ANKFY1: variants seen among roughly 807,000 people sequenced by gnomAD.
The protein encoded by ANKFY1 is ankyrin repeat and FYVE domain-containing protein 1.
ANKFY1 carries 47 observed loss-of-function variants against 128.3 expected under a neutral mutation model. The ratio of observed to expected loss-of-function variants is 0.37; its 90% CI spans 0.29 to 0.47. The LOEUF (loss-of-function observed/expected upper bound fraction) is 0.47. ANKFY1 is among the 20% of genes least tolerant of loss of function. The probability of loss-of-function intolerance (pLI) is 1.00; values close to 1 mark genes in which losing one functional copy is unlikely to be tolerated. For missense variants in ANKFY1, 1,222 were observed against 1,510.6 expected, an observed-to-expected ratio of 0.81 and a Z score of 3.17; for synonymous variants, 553 against 601.6, an observed-to-expected ratio of 0.92 and a Z score of 1.18.
At chr17:4,222,094 G>A (rs1311224582) in intron 3 of ANKFY1, 1 of 151,282 alleles carries the variant, frequency 6.6e-6, no homozygotes, top group Non-Finnish European at 1.5e-5. Context: ...GCTGGGGCCA[G>A]GGGTAGGCGG....
chr17:4,233,061 T>C (rs1189081261), intron 3 of ANKFY1, among the ~76,000 whole-genome samples: 2 of 151,800 alleles, frequency 1.3e-5, no homozygotes, highest in Admixed American at 1.3e-4. Flanking sequence ...TTTCTAGAAC[T>C]GTCATACCTA....
chr17:4,223,671 T>G (rs1229090970), intron 3 of ANKFY1: 22 of 1,601,100 alleles, frequency 1.4e-5, no homozygotes, highest in Admixed American at 1.0e-4. Flanking sequence ...GCCGCATACC[T>G]GAAAGATGGT....
At chr17:4,262,126 A>G (rs1013145792) in intron 1 of ANKFY1, among the ~76,000 whole-genome samples, 1 of 152,172 alleles carries the variant, frequency 6.6e-6, no homozygotes, top group Admixed American at 6.5e-5. Flanking sequence ...AAGAGTTGGG[A>G]GACCAGCCTG....
chr17:4,233,134 T>C (rs1469936975), intron 3 of ANKFY1, among the ~76,000 whole-genome samples: 1 of 152,194 alleles, frequency 6.6e-6, no homozygotes, highest in African/African-American at 2.4e-5. Flanking sequence ...GCTACTAGGA[T>C]CACCAATGTT....
intron 1 of ANKFY1, among the ~76,000 whole-genome samples, chr17:4,261,842 C>T (rs1055840017): frequency 1.8e-4 from 27 of 152,348 alleles, no homozygotes; most frequent in African/African-American, 6.0e-4. Flanking sequence ...AGAAGACCTT[C>T]CTGAACCTTT....
intron 1 of ANKFY1, among the ~76,000 whole-genome samples, chr17:4,250,012 C>T (rs2143476450): frequency 6.6e-6 from 1 of 152,314 alleles, no homozygotes; most frequent in Admixed American, 6.5e-5. Context: ...TCTCAACCAC[C>T]CCATTCTTAA....
At chr17:4,175,188 C>G (rs1040590154) in intron 19 of ANKFY1, among the ~76,000 whole-genome samples, 1 of 151,486 alleles carries the variant, frequency 6.6e-6, no homozygotes, top group East Asian at 2.0e-4. Context: ...TAAAAATTAG[C>G]TGGGTGTAAT....
chr17:4,165,739 G>C lies in ANKFY1; in HGVS notation c.*2040C>G, dbSNP rs145512944. On this transcript the variant is annotated 3_prime_UTR_variant, in exon 25 of 25. Transcript: ENST00000341657. ...GAAACATGATCTTAAGATTCTGAGTGCAATGACAGGCAAGATTGTTATTGA... is the reference window on the plus strand; with the variant it reads ...GAAACATGATCTTAAGATTCTGAGTCCAATGACAGGCAAGATTGTTATTGA... The C allele has an allele frequency of 6.6e-6, 1 of 152,240 alleles. No homozygotes were observed. The allele number at this position is 152,240 out of a possible 1,614,324, so 9.4% of individuals were successfully genotyped here.
At chr17:4,249,016 C>A (rs904810757) in intron 1 of ANKFY1, 2 of 510,046 alleles carry the variant, frequency 3.9e-6, no homozygotes, top group Admixed American at 1.3e-4. Context: ...ACAAAAAAAT[C>A]TTCATTCATT....
At chr17:4,174,111 CT>C in intron 19 of ANKFY1, 55 bp from the exon 20 acceptor site, 1 of 1,587,140 alleles carries the variant, frequency 6.3e-7, no homozygotes, top group Admixed American at 1.7e-5. Flanking sequence ...CAAGATCCCC[CT>C]TATGGGGGCC....
At chr17:4,186,145 G>A (rs765569574) in intron 11 of ANKFY1, among the ~76,000 whole-genome samples, 5 of 152,268 alleles carry the variant, frequency 3.3e-5, no homozygotes, top group Admixed American at 2.0e-4. Context: ...GCATGTGGGC[G>A]TGTCCACGTG....
Position 4,209,827 on chromosome 17 carries a change from A to G in ANKFY1, c.579T>C (p.His193=), listed in dbSNP as rs753702220. The part of the protein sequence containing the change: ...MNYCAEIIAS[H]WDDLRKEDFS... ...TGACACCCTCAACCTCACTCACCCA[A>G]TGACTTGCAATAATTTCTGCACAGT... Residue 193 remains histidine, a synonymous_variant, in exon 5 of 25, where the codon CAT becomes CAC. Transcript: ENST00000341657. The G allele has an allele frequency of 5.0e-6, 8 of 1,612,098 alleles. No homozygotes were observed. The South Asian group carries it at 6.6e-5, about 13-fold the overall frequency.
intron 3 of ANKFY1, among the ~76,000 whole-genome samples, chr17:4,218,779 A>G (rs1190052317): frequency 6.6e-6 from 1 of 152,096 alleles, no homozygotes; most frequent in African/African-American, 2.4e-5. Flanking sequence ...TCAAGGGGCC[A>G]ATGTGGGAAG....
chr17:4,224,541 C>A (rs765265982), intron 3 of ANKFY1, among the ~76,000 whole-genome samples: 1 of 151,814 alleles, frequency 6.6e-6, no homozygotes, highest in African/African-American at 2.4e-5. Flanking sequence ...TAAAAAGATA[C>A]CTGGTTTGTC....
intron 1 of ANKFY1, among the ~76,000 whole-genome samples, chr17:4,262,492 C>T (rs1330440990): frequency 6.6e-6 from 1 of 151,996 alleles, no homozygotes; most frequent in African/African-American, 2.4e-5. Flanking sequence ...GAACTCCTGG[C>T]CTCAAGCGAT....
At chr17:4,187,470 C>G (rs1054765940) in intron 11 of ANKFY1, 1 of 388,324 alleles carries the variant, frequency 2.6e-6, no homozygotes, top group Non-Finnish European at 4.5e-6. Context: ...CCTCCAATGG[C>G]TCTTCTGTCC....
At chr17:4,217,183 A>G in intron 3 of ANKFY1, 65 bp from the exon 4 acceptor site, 1 of 1,567,994 alleles carries the variant, frequency 6.4e-7, no homozygotes, top group Non-Finnish European at 8.7e-7. Context: ...TTCTCAAGGG[A>G]TCCCTAAAAT....
At chr17:4,211,972 A>T (rs145770771) in intron 4 of ANKFY1, among the ~76,000 whole-genome samples, 36 of 152,258 alleles carry the variant, frequency 2.4e-4, no homozygotes, top group Admixed American at 3.9e-4. Context: ...GCAGGCAAAT[A>T]GGTCTCTGGT....
chr17:4,237,195 C>A (rs1457164216), intron 2 of ANKFY1, among the ~76,000 whole-genome samples: 1 of 152,114 alleles, frequency 6.6e-6, no homozygotes, highest in Admixed American at 6.5e-5. Context: ...GACAGAGACA[C>A]ATTCTACGCT....
Sources: gnomAD v4.1 joint callset for allele counts (sites outside exome capture counted in the v4.1 genomes callset) on GRCh38, gnomAD v4.1.1 for gene constraint, MANE v1.5 for transcripts, NCBI Gene and HGNC (gene_info 2026-07-23, HGNC 2026-07-21) for gene names.